Variants in CCT7 observed in about 807,000 individuals in gnomAD.
CCT7 encodes the protein chaperonin containing TCP1 subunit 7, also known as T-complex protein 1 subunit eta.
Under a neutral mutation model 56.6 loss-of-function variants are expected in CCT7, and 16 were observed. The observed-to-expected ratio is 0.28, with a 90% CI of 0.19 to 0.43. CCT7 has a LOEUF of 0.43. Ranked by LOEUF, CCT7 falls within the 20% of genes least tolerant of loss-of-function variation. The pLI is 1.00. For synonymous variants in CCT7, 262 were observed against 254.8 expected (o/e 1.03, Z -0.27); for missense variants, 519 against 685.6 (o/e 0.76, Z 2.71).
intron 7 of CCT7, among the ~76,000 whole-genome samples, chr2:73,248,760 C>T (rs945761426): frequency 2.0e-5 from 3 of 152,220 alleles, no homozygotes; most frequent in Non-Finnish European, 4.4e-5. Flanking sequence ...CTGTGGTTCT[C>T]AGCCTTGGGG....
intron 8 of CCT7, 72 bp downstream of exon 8, chr2:73,249,251 C>T (rs1207885387): frequency 1.7e-6 from 2 of 1,205,328 alleles, no homozygotes; most frequent in Non-Finnish European, 2.3e-6. Flanking sequence ...CCTGGTATAA[C>T]AGAGTGTACT....
At chr2:73,251,934 A>C (rs1228998606) in intron 11 of CCT7, among the ~76,000 whole-genome samples, 1 of 148,304 alleles carries the variant, frequency 6.7e-6, no homozygotes, top group Non-Finnish European at 1.5e-5. Flanking sequence ...GTGAGACTCC[A>C]TCTCAAAAAA....
intron 1 of CCT7, 89 bp downstream of exon 1, chr2:73,234,473 T>C: frequency 6.9e-7 from 1 of 1,457,526 alleles, no homozygotes; most frequent in Admixed American, 1.8e-5. Context: ...TGTAGGACCC[T>C]CTTTTGCTTG....
chr2:73,240,373 C>G, intron 2 of CCT7, 64 bp from the exon 3 acceptor site: 1 of 1,228,822 alleles, frequency 8.1e-7, no homozygotes. Context: ...TAGATGGGTT[C>G]TAGGTCCCAC....
Position 73,248,917 on chromosome 2 carries a change from T to C in CCT7, c.784-74T>C. On this transcript the variant is annotated intron_variant, in intron 7 of 11. Coordinates refer to ENST00000258091, the MANE Select transcript of CCT7 (RefSeq NM_006429.4). ...GCATGTTTTATTTGGTGGGGGCAGA[T>C]GGGTATATTTTACCCTACCGTATAT... The C allele has an allele frequency of 2.6e-6, 3 of 1,175,586 alleles. No homozygotes were observed. The Admixed American group carries it at 5.8e-5, about 23-fold the overall frequency. 72.8% of individuals were successfully genotyped at this position (1,175,586 alleles called of 1,614,324 possible). A position where few individuals can be genotyped will look rare whatever the true frequency, so the allele number is the denominator to read the frequency against.
At chr2:73,243,355 T>G (rs1203992232) in intron 4 of CCT7, among the ~76,000 whole-genome samples, 1 of 152,200 alleles carries the variant, frequency 6.6e-6, no homozygotes, top group Non-Finnish European at 1.5e-5. Context: ...TAGACTATGA[T>G]GTAGACATAG....
At chr2:73,247,675 A>G in intron 6 of CCT7, 87 bp from the exon 7 acceptor site, 2 of 1,120,350 alleles carry the variant, frequency 1.8e-6, no homozygotes, top group Non-Finnish European at 1.3e-6. Flanking sequence ...GCTCACAGGA[A>G]TGGATAAGCA....
intron 8 of CCT7, 130 bp downstream of exon 8, chr2:73,249,309 T>C (rs1348538727): frequency 3.0e-6 from 2 of 677,504 alleles, no homozygotes; most frequent in Non-Finnish European, 4.7e-6. Flanking sequence ...TTTAACTCTT[T>C]TTTTTCCAGG....
At chr2:73,250,221 T>G (rs1687516340) in intron 9 of CCT7, 85 bp from the exon 10 acceptor site, 4 of 1,508,668 alleles carry the variant, frequency 2.7e-6, no homozygotes, top group South Asian at 2.4e-5. Context: ...AGCTGCTGAG[T>G]GTTGGGGGGG....
chr2:73,248,201 G>A (rs1687427037), intron 7 of CCT7, among the ~76,000 whole-genome samples: 2 of 152,108 alleles, frequency 1.3e-5, no homozygotes, highest in Admixed American at 6.5e-5. Context: ...CGGTATTTTG[G>A]TTCCTCTTGT....
At chr2:73,241,987 C>T (rs1406799321) in intron 3 of CCT7, among the ~76,000 whole-genome samples, 8 of 151,904 alleles carry the variant, frequency 5.3e-5, no homozygotes, top group African/African-American at 1.7e-4. Flanking sequence ...GTGATCAGCC[C>T]GCCTCGGCCT....
chr2:73,251,558 T>A, intron 11 of CCT7, 126 bp downstream of exon 11: 1 of 770,166 alleles, frequency 1.3e-6, no homozygotes, highest in Non-Finnish European at 2.2e-6. Flanking sequence ...CCCCAGCCTG[T>A]CTGCCTGACC....
intron 1 of CCT7, among the ~76,000 whole-genome samples, chr2:73,236,524 A>G (rs1487591162): frequency 2.0e-5 from 3 of 152,172 alleles, no homozygotes; most frequent in African/African-American, 4.8e-5. Flanking sequence ...TATTTTTAGT[A>G]GAGACGGGGT....
chr2:73,252,323 T>TTATATATATATATATATATA (rs1687625965), intron 11 of CCT7, among the ~76,000 whole-genome samples: 1 of 108,514 alleles, frequency 9.2e-6, no homozygotes, highest in Non-Finnish European at 1.8e-5. Flanking sequence ...ACTCATTGTT[T>TTATATATATATATATATATA]GATATATATA....
In CCT7 at chr2:73,238,605, T is replaced by A. The variant is rs78762204; in HGVS notation, c.7-1038T>A. Among the ~76,000 whole-genome samples, 1,219 of 152,376 alleles carry A rather than the reference T, an allele frequency of 8.0e-3. 14 individuals are homozygous for A. The highest frequency in any genetic ancestry group is 0.027 in the African/African-American group (1,128 of 41,600). Reference sequence around the variant, plus strand: ...CATTCCACAGTAAGAAATACATTTTTAATCATAGCCTAGTAACAAATTTAA... The same window carrying A: ...CATTCCACAGTAAGAAATACATTTTAAATCATAGCCTAGTAACAAATTTAA... On this transcript the variant is annotated intron_variant, in intron 1 of 11. Coordinates refer to ENST00000258091, the MANE Select transcript of CCT7 (RefSeq NM_006429.4).
At chr2:73,244,308 T>TCCCA (rs943560091) in intron 5 of CCT7, 1 of 603,106 alleles carries the variant, frequency 1.7e-6, no homozygotes, top group Non-Finnish European at 2.9e-6. Flanking sequence ...CTTGGCTGTG[T>TCCCA]CCCAGCCCAC....
intron 1 of CCT7, among the ~76,000 whole-genome samples, chr2:73,236,173 G>A (rs1686873812): frequency 6.6e-6 from 1 of 152,232 alleles, no homozygotes; most frequent in Non-Finnish European, 1.5e-5. Context: ...CCTTTGTGGC[G>A]TTGAGCGCTG....
rs375292953 is a variant in CCT7 at position 73,251,302 on chromosome 2, T to C, written c.1280T>C (p.Ile427Thr). 8.7e-5 allele frequency: 141 copies of C among 1,614,046 alleles called. No homozygotes were observed. The highest frequency in any genetic ancestry group is 2.9e-5 in the Non-Finnish European group (34 of 1,180,004). ...SKYLRDYSRT[I>T]PGKQQLLIGA... ...TACCTGCGGGATTACTCAAGGACTA[T>C]TCCAGGAAAACAGCAGCTGTTGATT... is the stretch of plus-strand genomic sequence containing the variant. The change falls in exon 11 of 12, where the codon ATT becomes ACT. Residue 427 changes from isoleucine (I) to threonine (T), a missense_variant. By Grantham distance (89) the Ile-to-Thr change is moderately conservative. Coordinates refer to ENST00000258091, the MANE Select transcript of CCT7 (RefSeq NM_006429.4).
chr2:73,236,828 T>G (rs190922827), intron 1 of CCT7, among the ~76,000 whole-genome samples: 4 of 152,324 alleles, frequency 2.6e-5, no homozygotes, highest in African/African-American at 9.6e-5. Flanking sequence ...CTACCCAGCC[T>G]GCTGTTTCTT....
Sources: gnomAD v4.1 joint callset for allele counts (sites outside exome capture counted in the v4.1 genomes callset) on GRCh38, gnomAD v4.1.1 for gene constraint, MANE v1.5 for transcripts, NCBI Gene and HGNC (gene_info 2026-07-23, HGNC 2026-07-21) for gene names.